The following FAAH2 variants were observed in gnomAD, a reference collection of about 807,000 sequenced individuals.
FAAH2 encodes fatty-acid amide hydrolase 2.
In FAAH2, 60 loss-of-function variants were observed where a neutral mutation model predicts 36.9. The observed-to-expected ratio is 1.63, with a 90% CI of 1.32 to 2.02. The LOEUF (loss-of-function observed/expected upper bound fraction) is 2.02, where lower values mean the gene tolerates loss of function less well. FAAH2 is among the 30% of genes most tolerant of loss of function. The pLI, the probability that FAAH2 is intolerant of heterozygous loss-of-function variation, is 0.00. For missense variants in FAAH2, 689 were observed against 397.5 expected (o/e 1.73, Z -6.23); for synonymous variants, 214 against 143.8 (o/e 1.49, Z -3.49).
intron 9 of FAAH2, among the ~76,000 whole-genome samples, chrX:57,447,446 C>T (rs190063523): frequency 2.7e-5 from 3 of 110,978 alleles, no homozygotes; most frequent in African/African-American, 9.8e-5. Flanking sequence ...GGAGCTTCAA[C>T]CCCACATTTC....
At chrX:57,384,939 A>G (rs1469118199) in intron 7 of FAAH2, among the ~76,000 whole-genome samples, 1 of 111,927 alleles carries the variant, frequency 8.9e-6, no homozygotes, top group Non-Finnish European at 1.9e-5. Flanking sequence ...ACCATGGAAT[A>G]CTATGCAGCC....
chrX:57,145,042 A>G, the FAAH2 span, among the ~76,000 whole-genome samples: 2 of 111,278 alleles, frequency 1.8e-5, no homozygotes, highest in African/African-American at 3.3e-5. Flanking sequence ...GCATGTGCAG[A>G]TATCTTTTTT....
the FAAH2 span, among the ~76,000 whole-genome samples, chrX:57,257,719 T>TGG: frequency 9.0e-6 from 1 of 110,939 alleles, no homozygotes; most frequent in African/African-American, 3.3e-5. Context: ...ATCATACCAT[T>TGG]TGTAATGGCA....
chrX:57,215,163 C>T, the FAAH2 span, among the ~76,000 whole-genome samples: 2 of 100,600 alleles, frequency 2.0e-5, no homozygotes, highest in Admixed American at 1.1e-4. Flanking sequence ...AGAACATAAA[C>T]AGGCACTTCC....
chrX:57,387,852 A>G lies in FAAH2; in HGVS notation c.996+6823A>G, dbSNP rs1357056366. Among the ~76,000 whole-genome samples the G allele has an allele frequency of 3.6e-5, 4 of 111,324 alleles. No homozygotes were observed. In the East Asian group the frequency reaches 1.1e-3, roughly 31 times the overall value. On this transcript the variant is annotated intron_variant, in intron 7 of 10. Coordinates refer to ENST00000374900, the MANE Select transcript of FAAH2 (RefSeq NM_174912.4). ...TCTGAAAAGGAGGAAGTGGAGGAAC[A>G]TGAGAATGAGTGATGTGTGTATCTG...
At chrX:57,159,839 CT>C in the FAAH2 span, among the ~76,000 whole-genome samples, 1 of 111,469 alleles carries the variant, frequency 9.0e-6, no homozygotes, top group African/African-American at 3.3e-5. Context: ...TTTCCTTCTC[CT>C]GCCTCATTGT....
the FAAH2 span, among the ~76,000 whole-genome samples, chrX:57,262,562 C>T: frequency 5.4e-5 from 6 of 110,847 alleles, no homozygotes; most frequent in Admixed American, 5.8e-4. Context: ...GAAATAACAC[C>T]AAATTCAAGT....
At chrX:57,281,219 A>ATC in the FAAH2 span, among the ~76,000 whole-genome samples, 1 of 111,934 alleles carries the variant, frequency 8.9e-6, no homozygotes, top group African/African-American at 3.2e-5. Flanking sequence ...GGCACCTGGA[A>ATC]TCTCTCTGTA....
chrX:57,378,723 T>C lies in FAAH2; in HGVS notation c.815T>C (p.Met272Thr). The change falls in exon 6 of 11, where the codon ATG becomes ACG. Residue 272 changes from methionine (M) to threonine (T), a missense_variant. By Grantham distance (81) the Met-to-Thr change is moderately conservative. Coordinates refer to ENST00000374900, the MANE Select transcript of FAAH2 (RefSeq NM_174912.4). ...GAGTTGTTTCTGTGCACTGGTCCTA[T>C]GTGCCGTTATGCTGAAGACCTGGCC... ...AQELFLCTGP[M>T]CRYAEDLAPM... The C allele has an allele frequency of 8.3e-7, 1 of 1,210,424 alleles. No homozygotes were observed. The highest frequency in any genetic ancestry group is 1.1e-6 in the Non-Finnish European group (1 of 894,705).
rs187026150 is a variant in FAAH2 at position 57,399,742 on chromosome X, C to T, written c.996+18713C>T. On this transcript the variant is annotated intron_variant, in intron 7 of 10. Coordinates refer to ENST00000374900, the MANE Select transcript of FAAH2 (RefSeq NM_174912.4). ...GTGTTCCTTCAGAAGTTAAGAATTCCCTTTCTCTCCATATTGCTGCATGGG... is the reference window on the plus strand; with the variant it reads ...GTGTTCCTTCAGAAGTTAAGAATTCTCTTTCTCTCCATATTGCTGCATGGG... 2.7e-3 allele frequency among the ~76,000 whole-genome samples: 303 copies of T among 112,153 alleles called. 1 individual carries two copies. The highest frequency in any genetic ancestry group is 4.6e-3 in the Middle Eastern group (1 of 218).
chrX:57,296,207 G>A (rs1286922170), intron 2 of FAAH2, among the ~76,000 whole-genome samples: 1 of 111,777 alleles, frequency 8.9e-6, no homozygotes, highest in African/African-American at 3.3e-5. Context: ...CCCCTCAGTA[G>A]GGCCAGACTG....
At chrX:57,459,324 C>G (rs986173877) in intron 10 of FAAH2, among the ~76,000 whole-genome samples, 24 of 112,198 alleles carry the variant, frequency 2.1e-4, no homozygotes, top group African/African-American at 7.8e-4. Context: ...GGCAGCAGCC[C>G]CAGGCAGGGG....
chrX:57,431,763 G>GTTTTTTTTTT (rs200270868), intron 7 of FAAH2, among the ~76,000 whole-genome samples, 155 bp from the exon 8 acceptor site: 1 of 13,651 alleles, frequency 7.3e-5, no homozygotes, highest in African/African-American at 8.4e-5. Flanking sequence ...TTTTGTTTTT[G>GTTTTTTTTTT]TTTTTTTGTT....
chrX:57,169,990 T>C, the FAAH2 span, among the ~76,000 whole-genome samples: 3 of 110,771 alleles, frequency 2.7e-5, no homozygotes, highest in African/African-American at 9.8e-5. Flanking sequence ...GTGCTATGGG[T>C]TGAATGTTTG....
At chrX:57,349,922 T>C (rs2053952384) in intron 5 of FAAH2, among the ~76,000 whole-genome samples, 1 of 110,241 alleles carries the variant, frequency 9.1e-6, no homozygotes, top group South Asian at 3.8e-4. Context: ...TCCAAAGAAA[T>C]AGAATACAAA....
chrX:57,487,459 A>C (rs1032581251), intron 10 of FAAH2, among the ~76,000 whole-genome samples: 1 of 112,040 alleles, frequency 8.9e-6, no homozygotes, highest in African/African-American at 3.2e-5. Context: ...CTTAAAATGC[A>C]CAATGGATTT....
intron 10 of FAAH2, among the ~76,000 whole-genome samples, chrX:57,452,647 A>T (rs1336572712): frequency 8.9e-6 from 1 of 112,512 alleles, no homozygotes; most frequent in Non-Finnish European, 1.9e-5. Flanking sequence ...TGTTAAACTA[A>T]CAAATACATA....
the FAAH2 span, among the ~76,000 whole-genome samples, chrX:57,249,588 A>G: frequency 8.0e-5 from 9 of 111,965 alleles, no homozygotes; most frequent in Non-Finnish European, 1.5e-4. Flanking sequence ...AAATCTTGTA[A>G]CTTTGGGTTG....
chrX:57,210,337 A>G, the FAAH2 span, among the ~76,000 whole-genome samples: 2 of 112,116 alleles, frequency 1.8e-5, no homozygotes, highest in Non-Finnish European at 3.8e-5. Flanking sequence ...AAACTACAGA[A>G]TAATACCACT....
Sources: gnomAD v4.1 joint callset for allele counts (sites outside exome capture counted in the v4.1 genomes callset) on GRCh38, gnomAD v4.1.1 for gene constraint, MANE v1.5 for transcripts, NCBI Gene and HGNC (gene_info 2026-07-23, HGNC 2026-07-21) for gene names.